TGFBR2: variants seen among roughly 807,000 people sequenced by gnomAD.
The protein encoded by TGFBR2 is TGF-beta receptor type-2.
TGFBR2 carries 18 observed loss-of-function variants against 49.0 expected under a neutral mutation model. The ratio of observed to expected loss-of-function variants is 0.37; its 90% CI spans 0.25 to 0.54. The LOEUF is 0.54. Ranked by LOEUF, TGFBR2 falls within the 20% of genes least tolerant of loss-of-function variation. The pLI is 0.85. For missense variants in TGFBR2, 525 were observed against 722.6 expected (o/e 0.73, Z 3.13); for synonymous variants, 282 against 275.9 (o/e 1.02, Z -0.22).
intron 3 of TGFBR2, among the ~76,000 whole-genome samples, chr3:30,664,814 G>A (rs1037029487): frequency 1.3e-5 from 2 of 152,172 alleles, no homozygotes; most frequent in African/African-American, 2.4e-5. Flanking sequence ...AAAAATAAAA[G>A]CATTAAATTA....
intron 3 of TGFBR2, among the ~76,000 whole-genome samples, chr3:30,663,202 A>G (rs1199774740): frequency 6.6e-6 from 1 of 151,426 alleles, no homozygotes; most frequent in Admixed American, 6.6e-5. Flanking sequence ...GTGTGTGTGT[A>G]TACAGATACT....
chr3:30,650,701 A>G (rs1384417693), intron 3 of TGFBR2, among the ~76,000 whole-genome samples: 1 of 152,204 alleles, frequency 6.6e-6, no homozygotes, highest in Non-Finnish European at 1.5e-5. Flanking sequence ...TCTTTCACCT[A>G]GAGCAGTGTT....
intron 5 of TGFBR2, among the ~76,000 whole-genome samples, chr3:30,685,682 C>T (rs1267049199): frequency 6.6e-6 from 1 of 152,168 alleles, no homozygotes; most frequent in Non-Finnish European, 1.5e-5. Context: ...TACGCTGCCT[C>T]TGAGAGTAAG....
At chr3:30,679,996 G>A (rs1559469829) in intron 5 of TGFBR2, among the ~76,000 whole-genome samples, 1 of 149,582 alleles carries the variant, frequency 6.7e-6, no homozygotes, top group Non-Finnish European at 1.5e-5. Context: ...CATGGTGGCG[G>A]GTGCCTGTAA....
rs561820247 is a variant in TGFBR2, at chr3:30,615,176, G to C, written c.94+8199G>C. ...CAGGCACTTTATTTGAAAGGACTGGGAGACTTCACAGATGCATCAAATATG... is the reference window on the plus strand; with the variant it reads ...CAGGCACTTTATTTGAAAGGACTGGCAGACTTCACAGATGCATCAAATATG... On this transcript the variant is annotated intron_variant, in intron 1 of 6. Coordinates refer to ENST00000295754, the MANE Select transcript of TGFBR2 (RefSeq NM_003242.6). Among the ~76,000 whole-genome samples the C allele has an allele frequency of 9.5e-4, 144 of 152,280 alleles. 1 individual carries two copies. The highest frequency in any genetic ancestry group is 3.4e-3 in the African/African-American group (140 of 41,558).
chr3:30,689,623 G>T (rs1294446935), intron 6 of TGFBR2, among the ~76,000 whole-genome samples: 2 of 152,174 alleles, frequency 1.3e-5, no homozygotes, highest in Non-Finnish European at 2.9e-5. Context: ...TTGGCGAGGG[G>T]GAACCAGGCT....
At chr3:30,636,868 T>C (rs921153408) in intron 1 of TGFBR2, among the ~76,000 whole-genome samples, 1 of 151,660 alleles carries the variant, frequency 6.6e-6, no homozygotes, top group Admixed American at 6.6e-5. Context: ...ATCGAGACCA[T>C]CCTGGCTAAC....
chr3:30,608,421 C>T (rs1012488196), intron 1 of TGFBR2, among the ~76,000 whole-genome samples: 8 of 152,052 alleles, frequency 5.3e-5, no homozygotes, highest in African/African-American at 1.9e-4. Context: ...GTATCGTGCC[C>T]CTCCCCTCCT....
chr3:30,634,901 C>T (rs1698501524), intron 1 of TGFBR2, among the ~76,000 whole-genome samples: 1 of 152,076 alleles, frequency 6.6e-6, no homozygotes, highest in Admixed American at 6.5e-5. Context: ...TCTAATATAC[C>T]ATTTGCATTT....
intron 1 of TGFBR2, among the ~76,000 whole-genome samples, chr3:30,623,007 AG>A (rs1698262309): frequency 6.6e-6 from 1 of 152,140 alleles, no homozygotes; most frequent in South Asian, 2.1e-4. Context: ...TATGGGTGAA[AG>A]ATCACCAGAG....
Position 30,606,854 on chromosome 3 carries a change from C to T in TGFBR2, c.-30C>T. 1 of 1,389,414 alleles carries T rather than the reference C, an allele frequency of 7.2e-7. No individual in the cohort carries two copies. 86.1% of individuals were successfully genotyped at this position (1,389,414 alleles called of 1,614,324 possible). A position where few individuals can be genotyped will look rare whatever the true frequency, so the allele number is the denominator to read the frequency against. On this transcript the variant is annotated 5_prime_UTR_variant, in exon 1 of 7. Coordinates refer to ENST00000295754, the MANE Select transcript of TGFBR2 (RefSeq NM_003242.6). Reference sequence around the variant, plus strand: ...AAGGCGCCGTCCGCTGCGCTGGGGGCTCGGTCTATGACGAGCAGCGGGGTC... The same window carrying T: ...AAGGCGCCGTCCGCTGCGCTGGGGGTTCGGTCTATGACGAGCAGCGGGGTC...
intron 1 of TGFBR2, among the ~76,000 whole-genome samples, chr3:30,611,582 C>CT (rs747840989): frequency 0.038 from 5,351 of 141,762 alleles, 172 homozygotes; most frequent in East Asian, 0.16. Context: ...ACTGATTCCT[C>CT]TTTTTTTTTT....
chr3:30,684,159 A>G (rs1260700150), intron 5 of TGFBR2, among the ~76,000 whole-genome samples: 1 of 152,176 alleles, frequency 6.6e-6, no homozygotes, highest in Non-Finnish European at 1.5e-5. Flanking sequence ...AAAATGAGCA[A>G]TGTTGCCTGA....
chr3:30,652,141 G>A (rs962741068), intron 3 of TGFBR2, among the ~76,000 whole-genome samples: 12 of 151,216 alleles, frequency 7.9e-5, no homozygotes, highest in Admixed American at 7.2e-4. Context: ...TGCACATCTT[G>A]TCAGGGCAAC....
chr3:30,671,691 A>ATCAGCC lies in TGFBR2; in HGVS notation c.511_516dup (p.Ser171_Leu172dup). On this transcript the variant is annotated inframe_insertion, in exon 4 of 7. Transcript: ENST00000295754. The stretch of plus-strand genomic sequence containing the variant: ...GCTAGTCATATTTCAAGTGACAGGC[A>ATCAGCC]TCAGCCTCCTGCCACCACTGGGAGT... The ATCAGCC allele has an allele frequency of 6.2e-7, 1 of 1,614,218 alleles. No individual in the cohort carries two copies. The highest frequency in any genetic ancestry group is 8.5e-7 in the Non-Finnish European group (1 of 1,180,028).
chr3:30,612,516 T>C (rs189579784), intron 1 of TGFBR2, among the ~76,000 whole-genome samples: 1 of 152,326 alleles, frequency 6.6e-6, no homozygotes, highest in Admixed American at 6.5e-5. Flanking sequence ...GCTTGCATTA[T>C]CTGCCTCCTT....
At chr3:30,633,617 T>C (rs559095865) in intron 1 of TGFBR2, among the ~76,000 whole-genome samples, 2 of 152,114 alleles carry the variant, frequency 1.3e-5, no homozygotes, top group Admixed American at 1.3e-4. Context: ...GGAGGCAAAT[T>C]TGAGGACACA....
At chr3:30,649,028 C>T (rs756378421) in intron 2 of TGFBR2, among the ~76,000 whole-genome samples, 1 of 152,012 alleles carries the variant, frequency 6.6e-6, no homozygotes, top group African/African-American at 2.4e-5. Flanking sequence ...GAGCAGTGAG[C>T]CTTTGTGCAT....
chr3:30,610,438 G>C (rs1270886663), intron 1 of TGFBR2, among the ~76,000 whole-genome samples: 1 of 151,986 alleles, frequency 6.6e-6, no homozygotes, highest in Non-Finnish European at 1.5e-5. Context: ...TCCCTGCCTT[G>C]TCACGGAGCC....
Sources: allele counts gnomAD v4.1 joint callset (sites outside exome capture counted in the v4.1 genomes callset), GRCh38; gene constraint gnomAD v4.1.1; transcripts MANE v1.5; gene names NCBI Gene and HGNC (gene_info 2026-07-23, HGNC 2026-07-21).